Variants in SGK1 observed in about 807,000 individuals in gnomAD.
The protein encoded by SGK1 is serine/threonine-protein kinase Sgk1.
A neutral mutation model predicts 64.2 loss-of-function variants in SGK1; 26 were observed. The ratio of observed to expected loss-of-function variants is 0.40; its 90% CI spans 0.30 to 0.56. The LOEUF (loss-of-function observed/expected upper bound fraction) is 0.56, where lower values mean the gene tolerates loss of function less well. SGK1 is among the 20% of genes least tolerant of loss of function. The pLI, the probability that SGK1 is intolerant of heterozygous loss-of-function variation, is 0.38. For synonymous variants in SGK1, 265 were observed against 239.7 expected (o/e 1.11, Z -0.98); for missense variants, 519 against 645.6 (o/e 0.80, Z 2.12).
chr6:134,270,282 G>T (rs1369894814), intron 1 of SGK1, among the ~76,000 whole-genome samples: 1 of 147,318 alleles, frequency 6.8e-6, no homozygotes, highest in Non-Finnish European at 1.5e-5. Context: ...TAAAACAACA[G>T]GACTTTTATG....
chr6:134,310,992 T>C (rs372681383), intron 1 of SGK1, among the ~76,000 whole-genome samples: 4 of 152,192 alleles, frequency 2.6e-5, no homozygotes, highest in African/African-American at 4.8e-5. Flanking sequence ...AAAAGTATCA[T>C]AGAAGAGAAG....
At chr6:134,197,039 C>A (rs1421374426) in intron 3 of SGK1, among the ~76,000 whole-genome samples, 1 of 152,068 alleles carries the variant, frequency 6.6e-6, no homozygotes, top group Non-Finnish European at 1.5e-5. Context: ...TTGGGACCAG[C>A]CTGGACAACA....
chr6:134,246,709 C>T (rs548864787), intron 2 of SGK1, among the ~76,000 whole-genome samples: 123 of 152,180 alleles, frequency 8.1e-4, no homozygotes, highest in African/African-American at 2.7e-3. Flanking sequence ...TCTCCTGCCT[C>T]AGCCTCCTGA....
At chr6:134,212,045 GTTTTTT>G (rs1775898708) in intron 2 of SGK1, among the ~76,000 whole-genome samples, 12 of 90,136 alleles carry the variant, frequency 1.3e-4, no homozygotes, top group African/African-American at 4.1e-4. Context: ...CTGTTTTTTT[GTTTTTT>G]GTTTTTTGTT....
rs549698610 is a variant in SGK1, at chr6:134,283,841, C to T, written c.70-21693G>A. On this transcript the variant is annotated intron_variant, in intron 1 of 13. Coordinates refer to ENST00000367858, the MANE Select transcript of SGK1 (RefSeq NM_001143676.3). ...TCGCAGCACTGCACTCCAGCCTGGG[C>T]AACAGAACAAGACGCTGTCCCCTGC... 1.8e-4 allele frequency among the ~76,000 whole-genome samples: 20 copies of T among 109,646 alleles called. No homozygotes were observed. In the East Asian group the frequency reaches 5.5e-3, roughly 30 times the overall value. The allele number at this position is 109,646 out of a possible 152,430, so 71.9% of individuals were successfully genotyped here. A position where few individuals can be genotyped will look rare whatever the true frequency, so the allele number is the denominator to read the frequency against.
chr6:134,247,040 A>G (rs1484461714), intron 2 of SGK1, among the ~76,000 whole-genome samples: 1 of 152,050 alleles, frequency 6.6e-6, no homozygotes, highest in Non-Finnish European at 1.5e-5. Context: ...AATAGCAAGT[A>G]ATATGCCCAG....
chr6:134,261,785 A>G, intron 2 of SGK1, 148 bp downstream of exon 2: 1 of 677,594 alleles, frequency 1.5e-6, no homozygotes. Flanking sequence ...TAATGAGCTA[A>G]CAAAGACCAC....
intron 3 of SGK1, among the ~76,000 whole-genome samples, chr6:134,206,349 A>ATG: frequency 9.5e-5 from 1 of 10,578 alleles, no homozygotes; most frequent in South Asian, 4.7e-3. Flanking sequence ...ATATATATAT[A>ATG]TATATATATA....
intron 3 of SGK1, among the ~76,000 whole-genome samples, chr6:134,182,662 A>G (rs1775349174): frequency 6.6e-6 from 1 of 152,158 alleles, no homozygotes; most frequent in Admixed American, 6.5e-5. Flanking sequence ...AAAACAATAC[A>G]TCAAGTAATT....
intron 4 of SGK1, 22 bp from the exon 5 acceptor site, chr6:134,174,102 A>C: frequency 6.3e-7 from 1 of 1,594,506 alleles, no homozygotes; most frequent in Non-Finnish European, 8.6e-7. Context: ...AAAGGGCACG[A>C]TTTAGAATCC....
intron 2 of SGK1, among the ~76,000 whole-genome samples, chr6:134,237,621 T>C (rs924147157): frequency 1.3e-5 from 2 of 152,154 alleles, no homozygotes; most frequent in Non-Finnish European, 2.9e-5. Flanking sequence ...GAGGTTGCAG[T>C]GAGCCAAGAT....
intron 1 of SGK1, among the ~76,000 whole-genome samples, chr6:134,264,408 T>C (rs373642447): frequency 6.6e-6 from 1 of 152,080 alleles, no homozygotes; most frequent in East Asian, 1.9e-4. Flanking sequence ...CTTGAGCCAC[T>C]GCGCCTGGCC....
chr6:134,171,852 A>C, intron 10 of SGK1, 120 bp from the exon 11 acceptor site: 1 of 682,968 alleles, frequency 1.5e-6, no homozygotes, highest in Non-Finnish European at 2.5e-6. Context: ...AGATATCTTT[A>C]GATTCCTTCC....
At chr6:134,260,389 AG>A (rs1562267348) in intron 2 of SGK1, 1 of 122,054 alleles carries the variant, frequency 8.2e-6, no homozygotes, top group African/African-American at 2.9e-5. Context: ...CCCCAAAAAA[AG>A]GGCCGGCGTA....
intron 1 of SGK1, among the ~76,000 whole-genome samples, chr6:134,306,907 TA>T (rs1486575339): frequency 8.7e-5 from 7 of 80,268 alleles, no homozygotes; most frequent in African/African-American, 4.0e-4. Context: ...TACAAAGAAA[TA>T]AAAGGGGGGG....
At chr6:134,204,327 T>A (rs141325128) in intron 3 of SGK1, among the ~76,000 whole-genome samples, 1 of 151,830 alleles carries the variant, frequency 6.6e-6, no homozygotes, top group East Asian at 1.9e-4. Flanking sequence ...GGAAGGATCT[T>A]CATGAGATGA....
intron 2 of SGK1, among the ~76,000 whole-genome samples, chr6:134,219,779 G>C (rs1466707202): frequency 2.7e-5 from 4 of 148,964 alleles, no homozygotes; most frequent in African/African-American, 4.9e-5. Context: ...AAAAAAAGAG[G>C]CCGGGCGCGG....
intron 1 of SGK1, among the ~76,000 whole-genome samples, chr6:134,305,227 C>T (rs1345452434): frequency 1.3e-5 from 2 of 151,896 alleles, no homozygotes; most frequent in South Asian, 4.2e-4. Context: ...GGCATGGTGG[C>T]TGGTGCTTGT....
At chr6:134,274,776 T>C (rs1167907410) in intron 1 of SGK1, among the ~76,000 whole-genome samples, 2 of 150,924 alleles carry the variant, frequency 1.3e-5, no homozygotes, top group Non-Finnish European at 2.9e-5. Context: ...TTAAATGGTA[T>C]TGCCCTTTTA....
Sources: allele counts gnomAD v4.1 joint callset (sites outside exome capture counted in the v4.1 genomes callset), GRCh38; gene constraint gnomAD v4.1.1; transcripts MANE v1.5; gene names NCBI Gene and HGNC (gene_info 2026-07-23, HGNC 2026-07-21).